Variants in SORBS2 observed in about 807,000 individuals in gnomAD.
The protein encoded by SORBS2 is sorbin and SH3 domain containing 2.
Under a neutral mutation model 97.7 loss-of-function variants are expected in SORBS2, and 46 were observed. That is an observed-to-expected ratio of 0.47 (90% CI 0.37 to 0.60). The LOEUF is 0.60. Among genes scored for constraint, SORBS2 ranks in the 20% least tolerant of loss-of-function variants. SORBS2 has a pLI of 0.00. For missense variants in SORBS2, 1,316 were observed against 1,282.3 expected (o/e 1.03, Z -0.40); for synonymous variants, 476 against 473.4 (o/e 1.01, Z -0.07).
intron 1 of SORBS2, among the ~76,000 whole-genome samples, chr4:185,911,149 A>T (rs2099254834): frequency 6.6e-6 from 1 of 152,204 alleles, no homozygotes; most frequent in South Asian, 2.1e-4. Flanking sequence ...CTACTGAGCT[A>T]CATTTCCTTT....
chr4:185,877,867 C>CAAAAAAAAAAAAAAAAAAAAAAAAA (rs1491116547), intron 1 of SORBS2, among the ~76,000 whole-genome samples: 3 of 50,446 alleles, frequency 5.9e-5, no homozygotes, highest in African/African-American at 1.5e-4. Flanking sequence ...GAGACTCTGT[C>CAAAAAAAAAAAAAAAAAAAAAAAAA]AAAAAACAAA....
At chr4:185,615,131 C>A in exon 10 of SORBS2, 1 of 1,612,094 alleles carries the variant, frequency 6.2e-7, no homozygotes, top group South Asian at 1.1e-5. Flanking sequence ...AGGATGTAGA[C>A]AGTATCTCCT....
At chr4:185,613,041 G>A (rs1403706914) in intron 11 of SORBS2, among the ~76,000 whole-genome samples, 2 of 152,172 alleles carry the variant, frequency 1.3e-5, no homozygotes, top group African/African-American at 4.8e-5. Context: ...TGCCATGACC[G>A]AGCCAGTGCT....
At chr4:185,690,968 T>C (rs2153518327) in intron 2 of SORBS2, among the ~76,000 whole-genome samples, 1 of 152,046 alleles carries the variant, frequency 6.6e-6, no homozygotes, top group Middle Eastern at 3.4e-3. Context: ...GGTGCGATCT[T>C]GGCTCACTGC....
intron 1 of SORBS2, among the ~76,000 whole-genome samples, chr4:185,904,279 G>T (rs912632958): frequency 1.3e-5 from 2 of 152,326 alleles, no homozygotes; most frequent in Admixed American, 1.3e-4. Context: ...GAACGTCACA[G>T]GATTGGGACT....
chr4:185,818,221 G>A (rs546931226), intron 1 of SORBS2, among the ~76,000 whole-genome samples: 2 of 152,218 alleles, frequency 1.3e-5, no homozygotes, highest in African/African-American at 4.8e-5. Context: ...ATGGAGTCTC[G>A]CTCTGTCGTC....
intron 1 of SORBS2, among the ~76,000 whole-genome samples, chr4:185,923,396 G>A (rs1010202606): frequency 4.0e-5 from 6 of 151,746 alleles, no homozygotes; most frequent in African/African-American, 7.3e-5. Context: ...GGGCTCAAGT[G>A]ATCCTCCTGC....
intron 1 of SORBS2, among the ~76,000 whole-genome samples, chr4:185,912,332 C>T (rs910829306): frequency 2.0e-5 from 3 of 151,964 alleles, no homozygotes; most frequent in Non-Finnish European, 2.9e-5. Flanking sequence ...TGCCTGTAAT[C>T]GCAGCACTTT....
At chr4:185,770,435 G>C (rs982883481) in intron 2 of SORBS2, among the ~76,000 whole-genome samples, 1 of 152,148 alleles carries the variant, frequency 6.6e-6, no homozygotes, top group African/African-American at 2.4e-5. Context: ...GCATCATGTT[G>C]GTGCTCAAAA....
chr4:185,657,015 C>T (rs773115045), upstream of SORBS2: 20 of 822,490 alleles, frequency 2.4e-5, no homozygotes, highest in South Asian at 6.9e-4. Flanking sequence ...TTTCAAAAAA[C>T]GAACACATCA....
At chr4:185,817,373 C>T (rs370466722) in intron 1 of SORBS2, among the ~76,000 whole-genome samples, 10 of 152,328 alleles carry the variant, frequency 6.6e-5, no homozygotes, top group African/African-American at 2.2e-4. Context: ...GAAAAGGCTG[C>T]ACTTGCTCCC....
rs1314873747 is a variant in SORBS2 at position 185,606,181 on chromosome 4, TCTCTA to T, written c.2796+5594_2796+5598del. ...AAATTTCTGGGCATCAACTTCCTCT[TCTCTA>T]AAGTGGGGATGATAATGTCACACAC... On this transcript the variant is annotated intron_variant, in intron 12 of 14. Transcript: ENST00000418609. This position sits in a 1 kb window ranked among gnomAD's most constrained non-coding sequence, Gnocchi z 4.3. 7 of 985,286 alleles carry T rather than the reference TCTCTA, an allele frequency of 7.1e-6. No homozygotes were observed. Among genetic ancestry groups the T allele is most frequent in the Admixed American group, 6.1e-5 (1 of 16,270 alleles). The allele number at this position is 985,286 out of a possible 1,614,324, so 61.0% of individuals were successfully genotyped here. A position where few individuals can be genotyped will look rare whatever the true frequency, so the allele number is the denominator to read the frequency against.
intron 1 of SORBS2, among the ~76,000 whole-genome samples, chr4:185,841,683 G>T (rs2099211646): frequency 6.6e-6 from 1 of 152,216 alleles, no homozygotes; most frequent in Non-Finnish European, 1.5e-5. Context: ...AGAATCTCTG[G>T]TGCTGTAAAC....
At chr4:185,717,795 A>C (rs2098478149) in intron 2 of SORBS2, among the ~76,000 whole-genome samples, 1 of 152,210 alleles carries the variant, frequency 6.6e-6, no homozygotes, top group South Asian at 2.1e-4. Context: ...CTTAAAAGTC[A>C]CAATCTGGGT....
At chr4:185,599,983 C>T (rs1469395195) in intron 12 of SORBS2, among the ~76,000 whole-genome samples, 2 of 152,210 alleles carry the variant, frequency 1.3e-5, no homozygotes, top group East Asian at 3.9e-4. Flanking sequence ...ACAGGTGAGC[C>T]GCAGAATCTC....
intron 2 of SORBS2, among the ~76,000 whole-genome samples, chr4:185,728,386 G>A (rs1027146535): frequency 6.6e-6 from 1 of 152,190 alleles, no homozygotes; most frequent in Non-Finnish European, 1.5e-5. Flanking sequence ...TCAGTTGGAA[G>A]TATTTTGCTA....
chr4:185,805,802 G>A (rs992149806), intron 1 of SORBS2, among the ~76,000 whole-genome samples: 1 of 152,174 alleles, frequency 6.6e-6, no homozygotes, highest in Non-Finnish European at 1.5e-5. Flanking sequence ...TACGTCTGAC[G>A]GGTTAAATGC....
chr4:185,704,841 G>A (rs889159973), intron 2 of SORBS2, among the ~76,000 whole-genome samples: 6 of 152,162 alleles, frequency 3.9e-5, no homozygotes, highest in Admixed American at 2.0e-4. Context: ...TTTTGATTTT[G>A]CACAGGTCAG....
intron 1 of SORBS2, among the ~76,000 whole-genome samples, chr4:185,925,078 G>A (rs1262519145): frequency 6.6e-6 from 1 of 152,142 alleles, no homozygotes; most frequent in Non-Finnish European, 1.5e-5. Context: ...TATGAATGTT[G>A]AGACCAAAAA....
Sources: gnomAD v4.1 joint callset for allele counts (sites outside exome capture counted in the v4.1 genomes callset) on GRCh38, gnomAD v4.1.1 for gene constraint, Gnocchi (gnomAD v3.1) non-coding constraint, MANE v1.5 for transcripts, NCBI Gene and HGNC (gene_info 2026-07-23, HGNC 2026-07-21) for gene names.